MYLK: variants seen among roughly 807,000 people sequenced by gnomAD.
MYLK encodes the protein myosin light chain kinase, also known as myosin light chain kinase, smooth muscle.
In MYLK, 106 loss-of-function variants were observed where a neutral mutation model predicts 203.4. That is an observed-to-expected ratio of 0.52 (90% confidence interval 0.45 to 0.61). The LOEUF is 0.61. Among genes scored for constraint, MYLK ranks in the 20% least tolerant of loss-of-function variants. The pLI, the probability that MYLK is intolerant of heterozygous loss-of-function variation, is 0.00. For missense variants in MYLK, 2,072 were observed against 2,442.3 expected (o/e 0.85, Z 3.20); for synonymous variants, 867 against 959.5 (o/e 0.90, Z 1.78).
intron 24 of MYLK, among the ~76,000 whole-genome samples, chr3:123,652,846 A>G (rs1077955): frequency 0.024 from 3,725 of 152,248 alleles, 153 homozygotes; most frequent in African/African-American, 0.081. Flanking sequence ...GTTTGGGAGT[A>G]CATTGTCAGT....
At chr3:123,868,295 G>A (rs547558150) in intron 2 of MYLK, among the ~76,000 whole-genome samples, 2 of 151,930 alleles carry the variant, frequency 1.3e-5, no homozygotes, top group East Asian at 3.9e-4. Context: ...TGCTTTTCTT[G>A]GAATATAATC....
intron 5 of MYLK, among the ~76,000 whole-genome samples, chr3:123,747,639 G>A (rs750273424): frequency 6.6e-6 from 1 of 152,186 alleles, no homozygotes; most frequent in Non-Finnish European, 1.5e-5. Flanking sequence ...AGACTCCCAG[G>A]CTCTGCTCCA....
At chr3:123,705,765 C>G (rs2061437898) in intron 16 of MYLK, among the ~76,000 whole-genome samples, 1 of 152,168 alleles carries the variant, frequency 6.6e-6, no homozygotes, top group Non-Finnish European at 1.5e-5. Context: ...GCCTACTCAA[C>G]AGCTAAGCCT....
intron 18 of MYLK, among the ~76,000 whole-genome samples, chr3:123,696,948 C>CG (rs1358858631): frequency 6.6e-6 from 1 of 152,242 alleles, no homozygotes; most frequent in Non-Finnish European, 1.5e-5. Context: ...TCTGCTGCTG[C>CG]GGGGCCCCCG....
chr3:123,678,120 G>A (rs983442412), intron 20 of MYLK, among the ~76,000 whole-genome samples: 2 of 151,384 alleles, frequency 1.3e-5, no homozygotes, highest in Non-Finnish European at 2.9e-5. Flanking sequence ...AGTGAGACTC[G>A]GCTGAAGTGA....
In MYLK at chr3:123,792,816, G is replaced by A. The variant is rs1426122102; in HGVS notation, c.165+861C>T. Reference sequence around the variant, plus strand: ...CACTAACATCCCCAACAATCTTCTGGTAAGAGATATGAAAGGACTAGTAGG... The same window carrying A: ...CACTAACATCCCCAACAATCTTCTGATAAGAGATATGAAAGGACTAGTAGG... On this transcript the variant is annotated intron_variant, in intron 4 of 33. Coordinates refer to ENST00000360304, the MANE Select transcript of MYLK (RefSeq NM_053025.4). Among the ~76,000 whole-genome samples the A allele has an allele frequency of 3.3e-5, 5 of 152,090 alleles. No homozygotes were observed. The East Asian group carries it at 9.6e-4, about 29-fold the overall frequency.
intron 3 of MYLK, among the ~76,000 whole-genome samples, chr3:123,813,574 G>A (rs563753430): frequency 1.1e-4 from 16 of 151,732 alleles, no homozygotes; most frequent in African/African-American, 3.9e-4. Context: ...GCAGTGACGT[G>A]ATCTCAGCTC....
rs185783762 is a variant in MYLK, at chr3:123,629,670, C to T, written c.4962-44G>A. The T allele has an allele frequency of 3.8e-5, 62 of 1,610,566 alleles. No homozygotes were observed. The highest frequency in any genetic ancestry group is 4.1e-4 in the Middle Eastern group (2 of 4,848). On this transcript the variant is annotated intron_variant, in intron 29 of 33. Transcript: ENST00000360304. The surrounding 1 kb of genome is among the most constrained non-coding windows in gnomAD (Gnocchi z 4.4). ...GACAGCAGGTGTGGCTAGGAGAGGG[C>T]GCGACGACCAGGTGAGTGGTAACTG...
intron 3 of MYLK, among the ~76,000 whole-genome samples, chr3:123,804,580 T>C (rs571068740): frequency 6.6e-6 from 1 of 152,262 alleles, no homozygotes; most frequent in East Asian, 1.9e-4. Context: ...CTGTCTAAAA[T>C]GGCCTGAAAT....
intron 3 of MYLK, among the ~76,000 whole-genome samples, chr3:123,814,368 C>T (rs943743518): frequency 6.6e-6 from 1 of 152,162 alleles, no homozygotes; most frequent in Non-Finnish European, 1.5e-5. Context: ...CTTTGCTAGA[C>T]AGACAGTGTC....
chr3:123,630,144 T>C (rs1348051757), intron 29 of MYLK, among the ~76,000 whole-genome samples: 1 of 152,142 alleles, frequency 6.6e-6, no homozygotes, highest in East Asian at 1.9e-4. Flanking sequence ...GCCCAATGGA[T>C]AGATGGACTT....
In MYLK at chr3:123,686,129, T is replaced by A. The variant is rs143463780; in HGVS notation, c.3566-3819A>T. Among the ~76,000 whole-genome samples the A allele has an allele frequency of 2.8e-4, 43 of 152,312 alleles. No individual in the cohort carries two copies. In the East Asian group the frequency reaches 7.9e-3, roughly 28 times the overall value. On this transcript the variant is annotated intron_variant, in intron 19 of 33. Transcript: ENST00000360304. ...CCAGGGGATAAAAATAATAGTAATA[T>A]AAGTTTAAGAGCAGCTTGTATTTTC... is the stretch of plus-strand genomic sequence containing the variant.
chr3:123,660,251 G>A (rs1048504095), intron 23 of MYLK, among the ~76,000 whole-genome samples: 1 of 152,244 alleles, frequency 6.6e-6, no homozygotes, highest in Non-Finnish European at 1.5e-5. Flanking sequence ...AGGCTATCAG[G>A]CAGAATGAGC....
chr3:123,658,031 T>C (rs1249415836), intron 23 of MYLK, among the ~76,000 whole-genome samples: 1 of 152,206 alleles, frequency 6.6e-6, no homozygotes, highest in African/African-American at 2.4e-5. Flanking sequence ...TCCTCATCTG[T>C]AAAATGTGAA....
chr3:123,759,655 A>G (rs1251753171), intron 4 of MYLK, among the ~76,000 whole-genome samples: 2 of 152,194 alleles, frequency 1.3e-5, no homozygotes, highest in Non-Finnish European at 2.9e-5. Context: ...AACAATAGGC[A>G]TATGTTCCAA....
At chr3:123,772,189 C>T (rs1337340352) in intron 4 of MYLK, among the ~76,000 whole-genome samples, 1 of 151,994 alleles carries the variant, frequency 6.6e-6, no homozygotes, top group Non-Finnish European at 1.5e-5. Flanking sequence ...AATACTTTGT[C>T]CTTGTATTAA....
chr3:123,880,233 C>T (rs1221688105), intron 1 of MYLK, among the ~76,000 whole-genome samples: 1 of 152,146 alleles, frequency 6.6e-6, no homozygotes, highest in African/African-American at 2.4e-5. Flanking sequence ...TGGAACTGAA[C>T]CCAAGTTTAA....
At chr3:123,811,722 A>T (rs556728102) in intron 3 of MYLK, among the ~76,000 whole-genome samples, 168 of 152,262 alleles carry the variant, frequency 1.1e-3, no homozygotes, top group Middle Eastern at 3.4e-3. Flanking sequence ...GTTGTTTATC[A>T]TCCCTGTAAA....
At chr3:123,818,916 T>C (rs1327350731) in intron 3 of MYLK, among the ~76,000 whole-genome samples, 1 of 152,174 alleles carries the variant, frequency 6.6e-6, no homozygotes, top group Non-Finnish European at 1.5e-5. Context: ...GCTTACATTA[T>C]AAGAAGTACA....
Sources: gnomAD v4.1 joint callset for allele counts (sites outside exome capture counted in the v4.1 genomes callset) on GRCh38, gnomAD v4.1.1 for gene constraint, Gnocchi (gnomAD v3.1) non-coding constraint, MANE v1.5 for transcripts, NCBI Gene and HGNC (gene_info 2026-07-23, HGNC 2026-07-21) for gene names.